The following KALRN variants were observed in gnomAD, a reference collection of about 807,000 sequenced individuals.
The protein encoded by KALRN is kalirin RhoGEF kinase.
KALRN carries 70 observed loss-of-function variants against 353.7 expected under a neutral mutation model. The observed-to-expected ratio is 0.20, with a 90% CI of 0.16 to 0.24. KALRN has a LOEUF of 0.24. Ranked by LOEUF, KALRN falls within the 10% of genes least tolerant of loss-of-function variation. The probability of loss-of-function intolerance (pLI) is 1.00; values close to 1 mark genes in which losing one functional copy is unlikely to be tolerated. For missense variants in KALRN, 2,791 were observed against 3,756.7 expected, an observed-to-expected ratio of 0.74 and a Z score of 6.72; for synonymous variants, 1,391 against 1,434.8, an observed-to-expected ratio of 0.97 and a Z score of 0.69.
intron 1 of KALRN, among the ~76,000 whole-genome samples, chr3:124,065,754 G>T (rs1012875974): frequency 1.3e-5 from 2 of 152,072 alleles, no homozygotes. Context: ...AGATAATAAA[G>T]GTTCCTACTG....
chr3:124,461,249 A>AC (rs2059830834), intron 23 of KALRN, among the ~76,000 whole-genome samples: 1 of 151,434 alleles, frequency 6.6e-6, no homozygotes, highest in Non-Finnish European at 1.5e-5. Flanking sequence ...AGCCACACTT[A>AC]TTTTTTTTTA....
intron 1 of KALRN, among the ~76,000 whole-genome samples, chr3:124,034,101 G>C (rs1180460838): frequency 1.3e-5 from 2 of 152,122 alleles, no homozygotes; most frequent in African/African-American, 2.4e-5. Flanking sequence ...CCTTCTCCCA[G>C]AGCGCGGGGA....
chr3:124,283,698 G>T (rs1560456099), intron 5 of KALRN, among the ~76,000 whole-genome samples: 1 of 152,308 alleles, frequency 6.6e-6, no homozygotes, highest in South Asian at 2.1e-4. Context: ...TAATGACTTG[G>T]TGAGATTTTT....
chr3:124,695,829 T>C (rs1485118555), intron 53 of KALRN, among the ~76,000 whole-genome samples: 1 of 152,174 alleles, frequency 6.6e-6, no homozygotes, highest in African/African-American at 2.4e-5. Context: ...AATAATACTA[T>C]GAGCCAGAAC....
chr3:124,495,232 A>G (rs534423567), intron 32 of KALRN, among the ~76,000 whole-genome samples: 1 of 152,240 alleles, frequency 6.6e-6, no homozygotes, highest in Admixed American at 6.5e-5. Context: ...CTGTTCACCA[A>G]TCTTTGAGAA....
At chr3:124,401,751 C>G (rs2090905886) in intron 13 of KALRN, among the ~76,000 whole-genome samples, 1 of 152,020 alleles carries the variant, frequency 6.6e-6, no homozygotes, top group Admixed American at 6.5e-5. Flanking sequence ...GGCCCAAAAG[C>G]TTGGGGAGAA....
intron 26 of KALRN, among the ~76,000 whole-genome samples, 157 bp downstream of exon 26, chr3:124,474,889 T>C (rs1414258547): frequency 6.6e-6 from 1 of 152,188 alleles, no homozygotes; most frequent in Non-Finnish European, 1.5e-5. Flanking sequence ...GAAAAGTTCT[T>C]AGACATCAAG....
chr3:124,476,331 C>T (rs572824236), intron 26 of KALRN, among the ~76,000 whole-genome samples: 1 of 150,862 alleles, frequency 6.6e-6, no homozygotes, highest in Admixed American at 6.6e-5. Flanking sequence ...GTCACTTAAC[C>T]AATCTGTGCC....
intron 18 of KALRN, among the ~76,000 whole-genome samples, chr3:124,440,796 T>G (rs1375280654): frequency 1.3e-5 from 2 of 152,034 alleles, no homozygotes; most frequent in Admixed American, 6.6e-5. Flanking sequence ...TATGCTAGTA[T>G]TTATTACTTT....
In KALRN at chr3:124,632,568, G is replaced by C; in HGVS notation, c.5331G>C (p.Val1777=). ...TTAAGAAGTGGCTGACGAGTCCTGT[G>C]CGTCGGCTTAACAGCGGGAAGGCAG... ...NTLKKWLTSP[V]RRLNSGKADG... Residue 1777 remains valine (V), a synonymous_variant, in exon 35 of 60, where the codon GTG becomes GTC. Transcript: ENST00000682506. 1 of 1,614,214 alleles carries C rather than the reference G, an allele frequency of 6.2e-7. No homozygotes were observed. The highest frequency in any genetic ancestry group is 8.5e-7 in the Non-Finnish European group (1 of 1,180,034).
At chr3:124,112,301 T>TCA (rs1393000767) in intron 1 of KALRN, among the ~76,000 whole-genome samples, 5 of 36,514 alleles carry the variant, frequency 1.4e-4, no homozygotes, top group Non-Finnish European at 3.1e-4. Flanking sequence ...AGACTCCATC[T>TCA]CACAAAAAAA....
At chr3:124,469,462 G>T (rs1052130444) in intron 25 of KALRN, among the ~76,000 whole-genome samples, 1 of 152,188 alleles carries the variant, frequency 6.6e-6, no homozygotes, top group Non-Finnish European at 1.5e-5. Flanking sequence ...ACCTGCTCCA[G>T]TATGCTAACC....
intron 33 of KALRN, among the ~76,000 whole-genome samples, chr3:124,521,401 T>C (rs1244096027): frequency 6.6e-6 from 1 of 152,152 alleles, no homozygotes; most frequent in African/African-American, 2.4e-5. Flanking sequence ...CTGATGAAAC[T>C]GAGACCCAGA....
intron 51 of KALRN, among the ~76,000 whole-genome samples, chr3:124,684,902 T>C (rs1019419670): frequency 3.5e-4 from 53 of 152,108 alleles, no homozygotes; most frequent in African/African-American, 1.2e-3. Context: ...CCGCCTTTCA[T>C]GTCCTCAGAT....
chr3:124,438,937 A>T lies in KALRN; in HGVS notation c.3098A>T (p.Asp1033Val). The T allele has an allele frequency of 1.2e-6, 2 of 1,613,942 alleles. No homozygotes were observed. The highest frequency in any genetic ancestry group is 1.7e-6 in the Non-Finnish European group (2 of 1,179,930). ...GAGCAAGAATACCGGAGAGATGAGG[A>T]CTGGTGTGGTGGACGAGATAAGCTG... ...SLEQEYRRDEDWCGGRDKLGP... is the reference protein window; with the variant it reads ...SLEQEYRRDEVWCGGRDKLGP... The change falls in exon 18 of 60, where the codon GAC becomes GTC. Residue 1033 changes from aspartate to valine, a missense_variant. Physicochemically the swap from Asp to Val is radical, Grantham distance 152. Around this residue, in one of 11 missense-constraint regions of KALRN, gnomAD observed 452 missense variants for 575.8 expected, o/e 0.78. Coordinates refer to ENST00000682506, the MANE Select transcript of KALRN (RefSeq NM_001388419.1).
chr3:124,076,350 A>G (rs1305491564), intron 1 of KALRN, among the ~76,000 whole-genome samples: 2 of 152,110 alleles, frequency 1.3e-5, no homozygotes, highest in Non-Finnish European at 2.9e-5. Context: ...CAGAGTTGTT[A>G]AGCTAATTGT....
intron 33 of KALRN, among the ~76,000 whole-genome samples, chr3:124,552,254 C>A (rs1226984250): frequency 6.6e-6 from 1 of 152,124 alleles, no homozygotes; most frequent in African/African-American, 2.4e-5. Context: ...TGTAAGTCAC[C>A]CCGCTCCCAG....
intron 13 of KALRN, among the ~76,000 whole-genome samples, chr3:124,411,389 A>G (rs1205158394): frequency 6.9e-6 from 1 of 145,150 alleles, no homozygotes; most frequent in Non-Finnish European, 1.5e-5. Context: ...AAAAAGGCCT[A>G]GTTCTATAAA....
chr3:124,687,002 G>C (rs894170194), intron 51 of KALRN, among the ~76,000 whole-genome samples: 7 of 151,724 alleles, frequency 4.6e-5, no homozygotes, highest in Non-Finnish European at 1.0e-4. Context: ...TTTTTTAGAA[G>C]TGGGTTCTCC....
Sources: allele counts gnomAD v4.1 joint callset (sites outside exome capture counted in the v4.1 genomes callset), GRCh38; gene constraint gnomAD v4.1.1; regional missense constraint gnomAD v4.1.1; transcripts MANE v1.5; gene names NCBI Gene and HGNC (gene_info 2026-07-23, HGNC 2026-07-21).